KCNJ3: variants seen among roughly 807,000 people sequenced by gnomAD.
KCNJ3 encodes the protein G protein-activated inward rectifier potassium channel 1.
KCNJ3 carries 4 observed loss-of-function variants against 39.2 expected under a neutral mutation model. The ratio of observed to expected loss-of-function variants is 0.10; its 90% CI spans 0.05 to 0.23. The LOEUF (loss-of-function observed/expected upper bound fraction) is 0.23. Ranked by LOEUF, KCNJ3 falls within the 10% of genes least tolerant of loss-of-function variation. KCNJ3 has a pLI of 1.00. For missense variants in KCNJ3, 276 were observed against 634.9 expected, an observed-to-expected ratio of 0.43 and a Z score of 6.08; for synonymous variants, 230 against 237.4, an observed-to-expected ratio of 0.97 and a Z score of 0.29.
chr2:154,811,914 A>T (rs1277452640), intron 2 of KCNJ3, among the ~76,000 whole-genome samples: 1 of 152,200 alleles, frequency 6.6e-6, no homozygotes, highest in Non-Finnish European at 1.5e-5. Flanking sequence ...TCTTTAGAAT[A>T]AAAGATACTT....
chr2:154,845,924 C>T (rs1355230523), intron 2 of KCNJ3, among the ~76,000 whole-genome samples: 1 of 151,060 alleles, frequency 6.6e-6, no homozygotes, highest in South Asian at 2.1e-4. Context: ...GAGCCAAGAT[C>T]GTACCACTGC....
intron 2 of KCNJ3, among the ~76,000 whole-genome samples, chr2:154,825,714 C>A (rs1234626398): frequency 6.6e-6 from 1 of 151,624 alleles, no homozygotes; most frequent in Non-Finnish European, 1.5e-5. Context: ...ATACCGGGGA[C>A]CACAGGCATG....
chr2:154,795,299 G>A (rs1686703030), intron 2 of KCNJ3, among the ~76,000 whole-genome samples: 2 of 151,932 alleles, frequency 1.3e-5, no homozygotes, highest in East Asian at 1.9e-4. Context: ...AATTTTGATT[G>A]AAAGAATGAC....
In KCNJ3 at chr2:154,854,898, T is replaced by C; in HGVS notation, c.1091T>C (p.Met364Thr). 1 of 1,613,986 alleles carries C rather than the reference T, an allele frequency of 6.2e-7. No homozygotes were observed. Among genetic ancestry groups the C allele is most frequent in the Middle Eastern group, 1.6e-4 (1 of 6,062 alleles). The change falls in exon 3 of 3, where the codon ATG becomes ACG. Residue 364 changes from methionine to threonine, a missense_variant. Physicochemically the swap from Met to Thr is moderately conservative, Grantham distance 81. Transcript: ENST00000295101. ...TACAGTGTGAAAGAGCAGGAGGAAATGCTTCTCATGTCGTCCCCTTTAATA... is the reference window on the plus strand; with the variant it reads ...TACAGTGTGAAAGAGCAGGAGGAAACGCTTCTCATGTCGTCCCCTTTAATA... ...PPYSVKEQEE[M>T]LLMSSPLIAP... is the part of the protein sequence containing the mutation.
At chr2:154,759,816 TG>T (rs1369706302) in intron 2 of KCNJ3, among the ~76,000 whole-genome samples, 1 of 152,214 alleles carries the variant, frequency 6.6e-6, no homozygotes, top group Non-Finnish European at 1.5e-5. Flanking sequence ...AATAAAATTT[TG>T]TTCATGTATT....
chr2:154,783,278 T>G (rs369958061), intron 2 of KCNJ3, among the ~76,000 whole-genome samples: 9 of 152,334 alleles, frequency 5.9e-5, no homozygotes, highest in African/African-American at 2.2e-4. Flanking sequence ...ATCAAGGCTG[T>G]TAAAAAATTT....
chr2:154,852,221 G>C (rs114902735), intron 2 of KCNJ3, among the ~76,000 whole-genome samples: 1 of 152,002 alleles, frequency 6.6e-6, no homozygotes, highest in East Asian at 1.9e-4. Context: ...TAAAAAAGTG[G>C]CTGGGTTCAA....
At chr2:154,801,080 G>T (rs534397151) in intron 2 of KCNJ3, among the ~76,000 whole-genome samples, 2 of 152,238 alleles carry the variant, frequency 1.3e-5, no homozygotes, top group African/African-American at 4.8e-5. Context: ...GTATTAACCT[G>T]GTGTACTCTG....
intron 1 of KCNJ3, among the ~76,000 whole-genome samples, chr2:154,704,311 T>C (rs1388847714): frequency 6.6e-6 from 1 of 152,032 alleles, no homozygotes; most frequent in African/African-American, 2.4e-5. Context: ...AAGCATTTAA[T>C]AGATTGGAGG....
intron 2 of KCNJ3, among the ~76,000 whole-genome samples, chr2:154,791,477 G>T (rs76275613): frequency 0.024 from 3,643 of 152,058 alleles, 70 homozygotes; most frequent in Non-Finnish European, 0.033. Context: ...ATTCAAGAGA[G>T]GTTATAAAAC....
At chr2:154,778,728 A>T (rs1686381163) in intron 2 of KCNJ3, among the ~76,000 whole-genome samples, 1 of 152,140 alleles carries the variant, frequency 6.6e-6, no homozygotes, top group African/African-American at 2.4e-5. Flanking sequence ...TTTGGAAAAC[A>T]ATAATATTCT....
chr2:154,800,986 C>G (rs938145312), intron 2 of KCNJ3, among the ~76,000 whole-genome samples: 3 of 152,134 alleles, frequency 2.0e-5, no homozygotes, highest in Non-Finnish European at 2.9e-5. Flanking sequence ...CATGTGACGT[C>G]GGGGAGACAT....
At chr2:154,749,318 C>T (rs1364620778) in intron 2 of KCNJ3, among the ~76,000 whole-genome samples, 2 of 152,058 alleles carry the variant, frequency 1.3e-5, no homozygotes, top group South Asian at 2.1e-4. Context: ...GGCTCATCTA[C>T]ATGTCTGTGG....
intron 2 of KCNJ3, among the ~76,000 whole-genome samples, chr2:154,814,170 G>T (rs1196153347): frequency 6.6e-6 from 1 of 152,026 alleles, no homozygotes; most frequent in Non-Finnish European, 1.5e-5. Flanking sequence ...ACTAAATTTA[G>T]TAACTAATTT....
rs747443562 is a variant in KCNJ3 at position 154,760,516 on chromosome 2, T to C, written c.919+50697T>C. On this transcript the variant is annotated intron_variant, in intron 2 of 2. Transcript: ENST00000295101. ...AATTACTTTGAGCAAATTCAATTTTTCCAAATGTTGTGAAGTTTTGCTTTT... is the reference window on the plus strand; with the variant it reads ...AATTACTTTGAGCAAATTCAATTTTCCCAAATGTTGTGAAGTTTTGCTTTT... 1.6e-4 allele frequency among the ~76,000 whole-genome samples: 24 copies of C among 151,990 alleles called. 1 individual carries two copies. Among genetic ancestry groups the C allele is most frequent in the Non-Finnish European group, 5.9e-5 (4 of 67,994 alleles).
chr2:154,780,589 G>C (rs942252427), intron 2 of KCNJ3, among the ~76,000 whole-genome samples: 9 of 151,882 alleles, frequency 5.9e-5, no homozygotes, highest in Admixed American at 2.0e-4. Flanking sequence ...CAGTGGGTTA[G>C]CAAGAGTGAG....
At chr2:154,715,188 T>C (rs750437526) in intron 2 of KCNJ3, among the ~76,000 whole-genome samples, 1 of 152,202 alleles carries the variant, frequency 6.6e-6, no homozygotes, top group South Asian at 2.1e-4. Context: ...ATCACAGTAG[T>C]TGTTTCAGAA....
intron 2 of KCNJ3, among the ~76,000 whole-genome samples, chr2:154,759,476 A>T (rs1384238843): frequency 2.0e-5 from 3 of 152,024 alleles, no homozygotes. Flanking sequence ...CTTTGTGTAT[A>T]TAGCATCCAG....
intron 2 of KCNJ3, among the ~76,000 whole-genome samples, chr2:154,815,157 G>A (rs1172939027): frequency 6.6e-6 from 1 of 152,068 alleles, no homozygotes; most frequent in Admixed American, 6.6e-5. Flanking sequence ...TTCCTTTAAA[G>A]CCATATCTCT....
Sources: allele counts gnomAD v4.1 joint callset (sites outside exome capture counted in the v4.1 genomes callset), GRCh38; gene constraint gnomAD v4.1.1; transcripts MANE v1.5; gene names NCBI Gene and HGNC (gene_info 2026-07-23, HGNC 2026-07-21).